INTS9: variants seen among roughly 807,000 people sequenced by gnomAD.
INTS9 encodes the protein protein related to CPSF subunits of 74 kDa.
INTS9 carries 55 observed loss-of-function variants against 79.7 expected under a neutral mutation model. The observed-to-expected ratio is 0.69, with a 90% CI of 0.56 to 0.86. The LOEUF is 0.86. INTS9 is among the 40% of genes least tolerant of loss of function. INTS9 has a pLI of 0.00. For synonymous variants in INTS9, 319 were observed against 325.2 expected (o/e 0.98, Z 0.20); for missense variants, 721 against 831.5 (o/e 0.87, Z 1.64).
intron 4 of INTS9, among the ~76,000 whole-genome samples, chr8:28,840,866 C>T (rs1343516834): frequency 3.3e-5 from 5 of 150,512 alleles, no homozygotes; most frequent in Admixed American, 6.6e-5. Flanking sequence ...GGGTGCAGTA[C>T]GCCAGCATGG....
intron 8 of INTS9, among the ~76,000 whole-genome samples, chr8:28,811,099 TTC>T (rs141019905): frequency 0.044 from 6,682 of 151,468 alleles, 522 homozygotes; most frequent in African/African-American, 0.15. Flanking sequence ...CGTGGCTAAT[TTC>T]TCTGTTTTTC....
chr8:28,888,785 C>A (rs143878261), intron 1 of INTS9, among the ~76,000 whole-genome samples: 126 of 152,216 alleles, frequency 8.3e-4, no homozygotes, highest in African/African-American at 2.8e-3. Flanking sequence ...TCTCTGACTT[C>A]GCAGAAAACA....
At chr8:28,882,565 A>G (rs748726166) in intron 1 of INTS9, among the ~76,000 whole-genome samples, 1 of 148,928 alleles carries the variant, frequency 6.7e-6, no homozygotes, top group Non-Finnish European at 1.5e-5. Flanking sequence ...AAAAAGAAAA[A>G]TGTAGACATA....
intron 1 of INTS9, among the ~76,000 whole-genome samples, chr8:28,860,151 C>G (rs1356011937): frequency 2.0e-5 from 3 of 152,214 alleles, no homozygotes; most frequent in Non-Finnish European, 4.4e-5. Flanking sequence ...TACTTCCAGA[C>G]AAGTAGGAAT....
chr8:28,830,730 CTCTT>C (rs1806432745), intron 6 of INTS9, among the ~76,000 whole-genome samples: 1 of 151,630 alleles, frequency 6.6e-6, no homozygotes. Flanking sequence ...TATGGAGTGT[CTCTT>C]TCACACCTCA....
At chr8:28,793,342 C>T (rs1256286538) in intron 10 of INTS9, among the ~76,000 whole-genome samples, 1 of 152,082 alleles carries the variant, frequency 6.6e-6, no homozygotes. Context: ...TCATATTTTG[C>T]CAACTCTAGG....
intron 2 of INTS9, among the ~76,000 whole-genome samples, chr8:28,855,224 T>C (rs776134215): frequency 1.3e-5 from 2 of 152,216 alleles, no homozygotes; most frequent in Non-Finnish European, 2.9e-5. Flanking sequence ...AGTCAGAAGA[T>C]TTCTTTGAAA....
intron 6 of INTS9, among the ~76,000 whole-genome samples, chr8:28,827,154 G>GT (rs1322930390): frequency 6.6e-6 from 1 of 152,174 alleles, no homozygotes; most frequent in Non-Finnish European, 1.5e-5. Context: ...AACTAGTTCT[G>GT]TTTTTTCTGG....
chr8:28,854,903 T>C (rs1051072628), intron 2 of INTS9, among the ~76,000 whole-genome samples: 4 of 152,208 alleles, frequency 2.6e-5, no homozygotes, highest in Admixed American at 2.6e-4. Flanking sequence ...TCTGTTCTTG[T>C]GTTGATTCAC....
chr8:28,786,546 GCCT>G (rs899294129), intron 11 of INTS9, among the ~76,000 whole-genome samples: 65 of 152,204 alleles, frequency 4.3e-4, no homozygotes, highest in Middle Eastern at 3.4e-3. Context: ...TCCCACTTCA[GCCT>G]CCCAAAGTGT....
chr8:28,867,279 C>T (rs1353971589), intron 1 of INTS9, among the ~76,000 whole-genome samples: 3 of 152,144 alleles, frequency 2.0e-5, no homozygotes, highest in Admixed American at 6.5e-5. Flanking sequence ...ATTAGCTGGG[C>T]GTCGTGGCAT....
At chr8:28,769,852 G>C in intron 16 of INTS9, 37 bp downstream of exon 16, 1 of 1,610,192 alleles carries the variant, frequency 6.2e-7, no homozygotes. Flanking sequence ...AGGCTGCCAC[G>C]TGTGGAGTTT....
intron 16 of INTS9, 167 bp downstream of exon 16, chr8:28,769,722 C>T (rs1802417323): frequency 4.8e-6 from 4 of 832,590 alleles, no homozygotes; most frequent in Admixed American, 3.0e-5. Flanking sequence ...ACTCTGCTTT[C>T]TTTCTCCTGG....
chr8:28,778,096 A>T, intron 12 of INTS9, 143 bp from the exon 13 acceptor site: 1 of 868,956 alleles, frequency 1.2e-6, no homozygotes, highest in Non-Finnish European at 1.6e-6. Context: ...ACGGAGGTCA[A>T]AGGGGCCCCG....
chr8:28,804,886 G>A (rs985152216), intron 8 of INTS9, among the ~76,000 whole-genome samples: 1 of 152,210 alleles, frequency 6.6e-6, no homozygotes, highest in Non-Finnish European at 1.5e-5. Context: ...ATAGGCTGAG[G>A]AGCAGCATGA....
chr8:28,885,735 C>T (rs949975653), intron 1 of INTS9, among the ~76,000 whole-genome samples: 10 of 152,160 alleles, frequency 6.6e-5, no homozygotes, highest in Admixed American at 3.3e-4. Context: ...CATGTTCTTT[C>T]GGTAAGGACC....
At position 28,787,841 on chromosome 8, in the gene INTS9, A is replaced by G; in HGVS notation, c.1086T>C (p.Phe362=). The G allele has an allele frequency of 6.2e-7, 1 of 1,607,004 alleles. No individual in the cohort carries two copies. Among genetic ancestry groups the G allele is most frequent in the Non-Finnish European group, 8.5e-7 (1 of 1,174,438 alleles). Residue 362 remains phenylalanine (F), a synonymous_variant, in exon 11 of 17, where the codon TTT becomes TTC. Coordinates refer to ENST00000521022, the MANE Select transcript of INTS9 (RefSeq NM_018250.4). ...TTTGTTTTCTTACCTCTGCATGAGG[A>G]AAAGGTGGTTCTGGAAGATACACCT... is the stretch of plus-strand genomic sequence containing the variant. The part of the protein sequence containing the change: ...QSKVYLPEPP[F]PHAELIQTNK...
intron 12 of INTS9, 169 bp downstream of exon 12, chr8:28,780,654 C>T: frequency 1.0e-6 from 1 of 985,470 alleles, no homozygotes; most frequent in Non-Finnish European, 1.2e-6. Flanking sequence ...ATGGCACACA[C>T]TGCTTCACTC....
chr8:28,881,124 T>TG (rs1304359677), intron 1 of INTS9, among the ~76,000 whole-genome samples: 18 of 134,332 alleles, frequency 1.3e-4, no homozygotes, highest in South Asian at 2.4e-4. Context: ...GGGAGGGAGG[T>TG]GGGGGGGTCA....
Sources: allele counts gnomAD v4.1 joint callset (sites outside exome capture counted in the v4.1 genomes callset), GRCh38; gene constraint gnomAD v4.1.1; transcripts MANE v1.5; gene names NCBI Gene and HGNC (gene_info 2026-07-23, HGNC 2026-07-21).